The following GRM4 variants were observed in gnomAD, a reference collection of about 807,000 sequenced individuals.
The protein encoded by GRM4 is metabotropic glutamate receptor 4.
Under a neutral mutation model 81.7 loss-of-function variants are expected in GRM4, and 28 were observed. That is an observed-to-expected ratio of 0.34 (90% CI 0.25 to 0.47). The LOEUF is 0.47. GRM4 is among the 20% of genes least tolerant of loss of function. The pLI is 1.00. For synonymous variants in GRM4, 488 were observed against 528.8 expected (o/e 0.92, Z 1.06); for missense variants, 948 against 1,290.0 (o/e 0.73, Z 4.06).
intron 1 of GRM4, among the ~76,000 whole-genome samples, chr6:34,141,338 G>A (rs981338425): frequency 1.3e-5 from 2 of 152,204 alleles, no homozygotes; most frequent in African/African-American, 2.4e-5. Context: ...TAGACACCAC[G>A]GCCTGCCTGT....
intron 1 of GRM4, 77 bp downstream of exon 1, chr6:34,145,923 T>G: frequency 1.4e-5 from 11 of 773,208 alleles, no homozygotes; most frequent in Middle Eastern, 6.5e-4. Context: ...CAGCTCCCCC[T>G]TCCACCACAC....
At chr6:34,037,719 T>C (rs1419400129) in intron 8 of GRM4, among the ~76,000 whole-genome samples, 2 of 151,756 alleles carry the variant, frequency 1.3e-5, no homozygotes, top group Non-Finnish European at 2.9e-5. Flanking sequence ...AAAAATTAGC[T>C]GGGTGTGGTG....
At chr6:34,056,412 A>C in intron 6 of GRM4, 132 bp downstream of exon 6, 1 of 731,522 alleles carries the variant, frequency 1.4e-6, no homozygotes, top group Non-Finnish European at 2.2e-6. Context: ...CCCCAGGTGC[A>C]GGCCCAACTG....
At chr6:34,044,135 T>C (rs976766030) in intron 6 of GRM4, among the ~76,000 whole-genome samples, 41 of 125,330 alleles carry the variant, frequency 3.3e-4, no homozygotes, top group Admixed American at 1.8e-3. Context: ...CACACACACA[T>C]ATACATACAT....
rs73747251 is a variant in GRM4 at position 34,040,850 on chromosome 6, C to T, written c.1169-102G>A. 4.6e-3 allele frequency: 4,406 copies of T among 958,592 alleles called. 103 individuals carry two copies. The African/African-American group carries it at 0.053, about 12-fold the overall frequency. The allele number at this position is 958,592 out of a possible 1,614,324, so 59.4% of individuals were successfully genotyped here. ...CCTCTGGCCACCTGGAGAAGTGGCA[C>T]GGCCCATCTGTGCATGGCCAGGCCT... On this transcript the variant is annotated intron_variant, in intron 6 of 10. Coordinates refer to ENST00000538487, the MANE Select transcript of GRM4 (RefSeq NM_000841.4).
At chr6:34,043,387 A>C (rs558584374) in intron 6 of GRM4, among the ~76,000 whole-genome samples, 5 of 152,146 alleles carry the variant, frequency 3.3e-5, no homozygotes, top group Non-Finnish European at 7.4e-5. Context: ...TGTCGCCTGG[A>C]AAGACCCTCC....
At chr6:34,128,222 C>T (rs920601445) in intron 2 of GRM4, among the ~76,000 whole-genome samples, 3 of 152,222 alleles carry the variant, frequency 2.0e-5, no homozygotes, top group South Asian at 2.1e-4. Context: ...CACCGTCTGT[C>T]GCTGCCTGCC....
At position 34,044,251 on chromosome 6, in the gene GRM4, GACAT is replaced by G. The variant is rs771371096; in HGVS notation, c.1169-3507_1169-3504del. Among the ~76,000 whole-genome samples the G allele has an allele frequency of 1.7e-3, 209 of 123,546 alleles. 1 individual carries two copies. Among genetic ancestry groups the G allele is most frequent in the Non-Finnish European group, 1.8e-3 (105 of 59,560 alleles). 81.1% of individuals were successfully genotyped at this position (123,546 alleles called of 152,430 possible). On this transcript the variant is annotated intron_variant, in intron 6 of 10. Coordinates refer to ENST00000538487, the MANE Select transcript of GRM4 (RefSeq NM_000841.4). ...ACAGACACACACATACACACACAGA[GACAT>G]ACATACATACACATATACACATACA...
In GRM4 at chr6:34,065,000, C is replaced by CT. The variant is rs746232350; in HGVS notation, c.737-2973dup. 9.9e-5 allele frequency among the ~76,000 whole-genome samples: 15 copies of CT among 152,184 alleles called. No individual in the cohort carries two copies. Among genetic ancestry groups the CT allele is most frequent in the Non-Finnish European group, 2.2e-4 (15 of 68,026 alleles). On this transcript the variant is annotated intron_variant, in intron 3 of 10. Coordinates refer to ENST00000538487, the MANE Select transcript of GRM4 (RefSeq NM_000841.4). This position sits in a 1 kb window ranked among gnomAD's most constrained non-coding sequence, Gnocchi z 4.4. ...AGGCCCCCATTTCCTGCAGCCGCTC[C>CT]TGGACAGTTCCCTTTCCTTGCAAAG... is the stretch of plus-strand genomic sequence containing the variant.
chr6:34,112,726 C>T (rs1001864984), intron 2 of GRM4, among the ~76,000 whole-genome samples: 4 of 151,970 alleles, frequency 2.6e-5, no homozygotes, highest in East Asian at 1.9e-4. Context: ...CAGGACTCAG[C>T]CCCCCGCCCT....
rs1469869297 is a variant in GRM4 at position 34,064,418 on chromosome 6, T to C, written c.737-2390A>G. ...AGATAGTCAGGGGAAGAGGTGGGGT[T>C]TGAACTTGGGCCATCTGGCTCCAGC... On this transcript the variant is annotated intron_variant, in intron 3 of 10. Coordinates refer to ENST00000538487, the MANE Select transcript of GRM4 (RefSeq NM_000841.4). The surrounding 1 kb of genome is among the most constrained non-coding windows in gnomAD (Gnocchi z 4.4). Among the ~76,000 whole-genome samples the C allele has an allele frequency of 6.6e-6, 1 of 152,192 alleles. No homozygotes were observed. Among genetic ancestry groups the C allele is most frequent in the Non-Finnish European group, 1.5e-5 (1 of 68,024 alleles).
chr6:34,153,233 C>T (rs1450900107), intron 1 of GRM4, among the ~76,000 whole-genome samples: 1 of 152,196 alleles, frequency 6.6e-6, no homozygotes, highest in Non-Finnish European at 1.5e-5. Context: ...TCCCTACCTC[C>T]GGGATCTGCA....
At chr6:34,154,875 G>T (rs904447830) in intron 1 of GRM4, among the ~76,000 whole-genome samples, 3 of 152,200 alleles carry the variant, frequency 2.0e-5, no homozygotes, top group African/African-American at 7.2e-5. Context: ...GCGCGCCCGA[G>T]CGCGAGCCTA....
At chr6:34,062,495 AC>A in intron 3 of GRM4, 1 of 149,506 alleles carries the variant, frequency 6.7e-6, no homozygotes. Context: ...AACATCCGGT[AC>A]CTAGTGCTTA....
chr6:34,037,287 C>A (rs955093133), intron 8 of GRM4, among the ~76,000 whole-genome samples: 6 of 152,210 alleles, frequency 3.9e-5, no homozygotes, highest in Non-Finnish European at 7.3e-5. Context: ...CCTGAAGACA[C>A]AATGACTGTG....
chr6:34,119,901 C>T lies in GRM4; in HGVS notation c.519+13077G>A, dbSNP rs117839948. Among the ~76,000 whole-genome samples the T allele has an allele frequency of 9.9e-4, 150 of 152,228 alleles. 1 individual carries two copies. The East Asian group carries it at 0.023, about 24-fold the overall frequency. On this transcript the variant is annotated intron_variant, in intron 2 of 10. Transcript: ENST00000538487. Reference sequence around the variant, plus strand: ...TAATCCCCTTCCTACCCCAGGCCTGCGGTGAGGATATCCAGAGAACCCAGC... The same window carrying T: ...TAATCCCCTTCCTACCCCAGGCCTGTGGTGAGGATATCCAGAGAACCCAGC...
chr6:34,141,271 C>A (rs897139154), intron 1 of GRM4, among the ~76,000 whole-genome samples: 8 of 152,166 alleles, frequency 5.3e-5, no homozygotes, highest in African/African-American at 1.7e-4. Flanking sequence ...CTGGGACTCA[C>A]CATCATCACC....
intron 3 of GRM4, 103 bp from the exon 4 acceptor site, chr6:34,062,131 G>A (rs1766219690): frequency 3.9e-6 from 5 of 1,278,416 alleles, no homozygotes; most frequent in African/African-American, 1.5e-5. Context: ...GTGCTGCCCA[G>A]GCTCCCCAGC....
chr6:34,154,971 G>C (rs1771118721), intron 1 of GRM4: 1 of 927,218 alleles, frequency 1.1e-6, no homozygotes, highest in Non-Finnish European at 1.5e-6. Flanking sequence ...GGCCGGGCCT[G>C]GGGCGGGTCC....
Sources: allele counts gnomAD v4.1 joint callset (sites outside exome capture counted in the v4.1 genomes callset), GRCh38; gene constraint gnomAD v4.1.1; non-coding constraint Gnocchi (gnomAD v3.1); transcripts MANE v1.5; gene names NCBI Gene and HGNC (gene_info 2026-07-23, HGNC 2026-07-21).